SPATA3: variants seen among roughly 807,000 people sequenced by gnomAD.
SPATA3 encodes spermatogenesis associated 3, also known as spermatogenesis-associated protein 3.
In SPATA3, 6 loss-of-function variants were observed where a neutral mutation model predicts 5.7. That is an observed-to-expected ratio of 1.06 (90% confidence interval 0.58 to 2.09). The LOEUF (loss-of-function observed/expected upper bound fraction) is 2.09, where lower values mean the gene tolerates loss of function less well. SPATA3 is among the 30% of genes most tolerant of loss of function. The probability of loss-of-function intolerance (pLI) is 0.00; values close to 1 mark genes in which losing one functional copy is unlikely to be tolerated. For missense variants in SPATA3, 155 were observed against 130.4 expected (o/e 1.19, Z -0.92); for synonymous variants, 44 against 48.4 (o/e 0.91, Z 0.37).
At chr2:231,014,860 T>TG in intron 6 of SPATA3, among the ~76,000 whole-genome samples, 1 of 152,258 alleles carries the variant, frequency 6.6e-6, no homozygotes, top group East Asian at 1.9e-4. Flanking sequence ...GCTCTTGTAA[T>TG]GGGGGTCAAA....
At chr2:231,005,472 TCATCACCACCAC>T (rs1692573554), downstream of SPATA3, among the ~76,000 whole-genome samples, 2 of 8,950 alleles carry the variant, frequency 2.2e-4, no homozygotes, top group Non-Finnish European at 4.9e-4. Context: ...ACCACCACCA[TCATCACCACCAC>T]CACCATCACC....
chr2:231,001,362 C>T (rs146339151), intron 2 of SPATA3, among the ~76,000 whole-genome samples: 5 of 152,246 alleles, frequency 3.3e-5, no homozygotes, highest in African/African-American at 7.2e-5. Flanking sequence ...TTCCACTTGG[C>T]GACCTCACAC....
downstream of SPATA3, among the ~76,000 whole-genome samples, chr2:231,009,892 G>C (rs540059373): frequency 6.6e-6 from 1 of 152,376 alleles, no homozygotes; most frequent in East Asian, 1.9e-4. Context: ...GTGGTATAAT[G>C]AGTGAGTGTG....
intron 6 of SPATA3, among the ~76,000 whole-genome samples, chr2:231,018,458 A>G (rs78023743): frequency 0.07 from 5,711 of 81,486 alleles, 132 homozygotes; most frequent in East Asian, 0.21. Context: ...CATATGGTAT[A>G]GAAACTTCAG....
chr2:230,998,827 G>C (rs764976671), intron 1 of SPATA3, among the ~76,000 whole-genome samples: 1 of 152,228 alleles, frequency 6.6e-6, no homozygotes, highest in Non-Finnish European at 1.5e-5. Flanking sequence ...TGGTTCCTCA[G>C]AGGAACATGA....
chr2:231,018,383 C>T (rs1692984968), intron 6 of SPATA3, among the ~76,000 whole-genome samples: 1 of 151,982 alleles, frequency 6.6e-6, no homozygotes, highest in African/African-American at 2.4e-5. Flanking sequence ...CATGCATCTC[C>T]TCCCCTCTCC....
intron 6 of SPATA3, among the ~76,000 whole-genome samples, chr2:231,017,085 A>T (rs1380884409): frequency 6.6e-6 from 1 of 152,190 alleles, no homozygotes; most frequent in South Asian, 2.1e-4. Context: ...ATCAAATGAG[A>T]TTCTACAGAG....
chr2:231,011,004 T>C (rs1574672585), downstream of SPATA3, among the ~76,000 whole-genome samples: 1 of 134,338 alleles, frequency 7.4e-6, no homozygotes, highest in East Asian at 2.1e-4. Flanking sequence ...GCCTGGGAGG[T>C]CAAGGCTGCA....
chr2:231,002,756 TG>T lies in SPATA3; in HGVS notation c.1040del (p.Gly347AlafsTer?). 1 of 1,529,730 alleles carries T rather than the reference TG, an allele frequency of 6.5e-7. No homozygotes were observed. Among genetic ancestry groups the T allele is most frequent in the South Asian group, 1.2e-5 (1 of 80,660 alleles). The allele number at this position is 1,529,730 out of a possible 1,614,324, so 94.8% of individuals were successfully genotyped here. On this transcript the variant is annotated frameshift_variant, in exon 3 of 3. Transcript: ENST00000645363. LOFTEE classifies it high-confidence loss of function. Reference sequence around the variant, plus strand: ...GCCCTCGGAACTGTGGCTGTGGCTCTGGGGGCTCTAGGAGCTGCCTACTACA... The same window carrying T: ...GCCCTCGGAACTGTGGCTGTGGCTCTGGGGCTCTAGGAGCTGCCTACTACA...
At chr2:231,012,169 G>A (rs1016837266), downstream of SPATA3, among the ~76,000 whole-genome samples, 13 of 152,184 alleles carry the variant, frequency 8.5e-5, no homozygotes, top group Admixed American at 6.5e-5. Flanking sequence ...TGGTCCCAGC[G>A]GCAGGGCTGA....
intron 5 of SPATA3, among the ~76,000 whole-genome samples, chr2:231,013,567 C>T (rs895324788): frequency 6.6e-6 from 1 of 151,942 alleles, no homozygotes; most frequent in Non-Finnish European, 1.5e-5. Flanking sequence ...CTCGGCTCAC[C>T]GCAATCTCCA....
intron 6 of SPATA3, among the ~76,000 whole-genome samples, chr2:231,019,053 G>A (rs1482206088): frequency 3.6e-5 from 5 of 140,816 alleles, no homozygotes; most frequent in Admixed American, 1.5e-4. Flanking sequence ...TGCAAGCTCC[G>A]CCTCCCAGGT....
downstream of SPATA3, chr2:231,002,843 T>G: frequency 1.7e-6 from 2 of 1,185,432 alleles, no homozygotes; most frequent in Non-Finnish European, 2.3e-6. Flanking sequence ...TTGAGCGCTC[T>G]GTCCCTTCGA....
intron 6 of SPATA3, among the ~76,000 whole-genome samples, chr2:231,018,531 C>T (rs1221600313): frequency 6.6e-6 from 1 of 152,024 alleles, no homozygotes; most frequent in African/African-American, 2.4e-5. Context: ...CTTGTTAATA[C>T]ATTTGTGTGC....
chr2:231,017,424 G>A (rs1317273604), intron 6 of SPATA3, among the ~76,000 whole-genome samples: 1 of 152,208 alleles, frequency 6.6e-6, no homozygotes, highest in African/African-American at 2.4e-5. Context: ...CCACAAGCCT[G>A]TGAATTTCCC....
At chr2:231,007,996 CA>C (rs1559199186), downstream of SPATA3, among the ~76,000 whole-genome samples, 1 of 152,060 alleles carries the variant, frequency 6.6e-6, no homozygotes, top group African/African-American at 2.4e-5. Context: ...GACGACATAG[CA>C]AGACCCTGTC....
At chr2:231,007,871 C>T (rs534352367), downstream of SPATA3, among the ~76,000 whole-genome samples, 33 of 152,284 alleles carry the variant, frequency 2.2e-4, no homozygotes, top group Admixed American at 7.2e-4. Context: ...GAGGCTGGGC[C>T]TGGTGGCTCA....
chr2:230,996,767 C>T (rs1054435217), intron 1 of SPATA3, among the ~76,000 whole-genome samples: 2 of 152,176 alleles, frequency 1.3e-5, no homozygotes, highest in Non-Finnish European at 2.9e-5. Flanking sequence ...TACATATAAA[C>T]ATTTAACTTG....
chr2:231,012,138 G>A (rs776968754), downstream of SPATA3, among the ~76,000 whole-genome samples: 21 of 152,338 alleles, frequency 1.4e-4, no homozygotes, highest in Non-Finnish European at 2.5e-4. Flanking sequence ...GAAGGAAAGT[G>A]TCCAAGGCAG....
Sources: gnomAD v4.1 joint callset for allele counts (sites outside exome capture counted in the v4.1 genomes callset) on GRCh38, gnomAD v4.1.1 for gene constraint, MANE v1.5 for transcripts, NCBI Gene and HGNC (gene_info 2026-07-23, HGNC 2026-07-21) for gene names.